LDAF1: variants seen among roughly 807,000 people sequenced by gnomAD.
LDAF1 encodes the protein lipid droplet assembly factor 1, also known as PROMETHIN.
LDAF1 carries 7 observed loss-of-function variants against 13.5 expected under a neutral mutation model. The observed-to-expected ratio is 0.52, with a 90% confidence interval of 0.29 to 0.97. The LOEUF (loss-of-function observed/expected upper bound fraction) is 0.97, where lower values mean the gene tolerates loss of function less well. LDAF1 is among the 50% of genes least tolerant of loss of function. The probability of loss-of-function intolerance (pLI) is 0.07; values close to 1 mark genes in which losing one functional copy is unlikely to be tolerated. For missense variants in LDAF1, 148 were observed against 193.2 expected (o/e 0.77, Z 1.39); for synonymous variants, 69 against 77.1 (o/e 0.89, Z 0.55).
intron 4 of LDAF1, 70 bp downstream of exon 4, chr16:21,174,218 C>G (rs2093118682): frequency 2.1e-6 from 3 of 1,416,524 alleles, no homozygotes; most frequent in African/African-American, 2.9e-5. Context: ...GAGACAAGGC[C>G]TCACTCTGTC....
intron 2 of LDAF1, among the ~76,000 whole-genome samples, chr16:21,161,905 C>G (rs1028794211): frequency 6.6e-6 from 1 of 152,116 alleles, no homozygotes; most frequent in African/African-American, 2.4e-5. Flanking sequence ...CGCCTGTGAT[C>G]CTAGCACTTT....
In LDAF1 at chr16:21,179,800, T is replaced by C. The variant is rs1302288554; in HGVS notation, c.*244T>C. On this transcript the variant is annotated 3_prime_UTR_variant, in exon 5 of 5. Transcript: ENST00000233047. ...TCAACAGCTCGCCCTGCCCCAAGTA[T>C]GCAGACTTGACCTTGGCGGGGTCCT... The C allele has an allele frequency of 2.2e-6, 1 of 446,620 alleles. No individual in the cohort carries two copies. Among genetic ancestry groups the C allele is most frequent in the Non-Finnish European group, 4.0e-6 (1 of 247,600 alleles). 27.7% of individuals were successfully genotyped at this position (446,620 alleles called of 1,614,324 possible).
chr16:21,179,440 C>T (rs1431482393), intron 4 of LDAF1, 35 bp from the exon 5 acceptor site: 3 of 1,613,896 alleles, frequency 1.9e-6, no homozygotes, highest in Non-Finnish European at 2.5e-6. Context: ...TTACTGAGGC[C>T]CTAGAGCTAA....
chr16:21,173,412 T>C (rs1056056645), intron 3 of LDAF1: 2 of 152,344 alleles, frequency 1.3e-5, no homozygotes, highest in East Asian at 1.9e-4. Context: ...CCAGCACTTA[T>C]GGGCAAGACA....
In LDAF1 at chr16:21,179,574, G is replaced by A. The variant is rs200657852; in HGVS notation, c.*18G>A. On this transcript the variant is annotated 3_prime_UTR_variant, in exon 5 of 5. Coordinates refer to ENST00000233047, the MANE Select transcript of LDAF1 (RefSeq NM_001301771.2). ...AGGAATGAGTGACTGCTCAGAGGCC[G>A]GGCTTCTTTTCAAGTACTGCTGGAT... 2.0e-3 allele frequency: 3,173 copies of A among 1,608,302 alleles called. No individual in the cohort carries two copies. The highest frequency in any genetic ancestry group is 2.5e-3 in the Non-Finnish European group (2,960 of 1,175,368).
chr16:21,166,348 A>G (rs2093023788), intron 2 of LDAF1, among the ~76,000 whole-genome samples: 1 of 152,206 alleles, frequency 6.6e-6, no homozygotes, highest in Non-Finnish European at 1.5e-5. Flanking sequence ...GATTTTATAA[A>G]ACTTACAATT....
chr16:21,173,899 T>TA (rs2093114192), intron 3 of LDAF1, 111 bp from the exon 4 acceptor site: 2 of 1,148,122 alleles, frequency 1.7e-6, no homozygotes, highest in Admixed American at 5.5e-5. Flanking sequence ...GAAATCTTCT[T>TA]ACTTTAATAA....
rs1024719903 is a variant in LDAF1, at chr16:21,165,991, C to G, written c.97-4446C>G. Among the ~76,000 whole-genome samples, 4 of 151,972 alleles carry G rather than the reference C, an allele frequency of 2.6e-5. No individual in the cohort carries two copies. In the East Asian group the frequency reaches 7.7e-4, roughly 29 times the overall value. On this transcript the variant is annotated intron_variant, in intron 2 of 4. Coordinates refer to ENST00000233047, the MANE Select transcript of LDAF1 (RefSeq NM_001301771.2). ...TCTCCCGCCTCAGCCTCCCAAGTAGCTAGGATTACAGGCACGCACCACTCT... is the reference window on the plus strand; with the variant it reads ...TCTCCCGCCTCAGCCTCCCAAGTAGGTAGGATTACAGGCACGCACCACTCT...
At chr16:21,178,217 G>A in intron 4 of LDAF1, 1 of 985,304 alleles carries the variant, frequency 1.0e-6, no homozygotes. Flanking sequence ...CTTGGTTATG[G>A]AGACTGCAAG....
At chr16:21,176,198 T>C (rs2093137208) in intron 4 of LDAF1, among the ~76,000 whole-genome samples, 1 of 152,234 alleles carries the variant, frequency 6.6e-6, no homozygotes, top group South Asian at 2.1e-4. Flanking sequence ...TCTGACTCCC[T>C]ACTTATCAAT....
chr16:21,170,574 G>T lies in LDAF1; in HGVS notation c.234G>T (p.Leu78=). ...FFLLIVVLTT[L]AALLGVIILE... Reference sequence around the variant, plus strand: ...TGCTCATCGTGGTGCTTACCACCCTGGCTGCTCTGCTGGGGGTCATAATAT... The same window carrying T: ...TGCTCATCGTGGTGCTTACCACCCTTGCTGCTCTGCTGGGGGTCATAATAT... The change falls in exon 3 of 5, where the codon CTG becomes CTT. Residue 78 remains leucine (L), a synonymous_variant. Transcript: ENST00000233047. 1 of 1,614,154 alleles carries T rather than the reference G, an allele frequency of 6.2e-7. No individual in the cohort carries two copies. The highest frequency in any genetic ancestry group is 1.1e-5 in the South Asian group (1 of 91,080).
intron 4 of LDAF1, chr16:21,178,321 T>G (rs926781587): frequency 1.0e-6 from 1 of 985,328 alleles, no homozygotes; most frequent in Non-Finnish European, 1.2e-6. Context: ...TATCATAATC[T>G]TCCAAACCAG....
At chr16:21,174,676 C>T (rs953230681) in intron 4 of LDAF1, among the ~76,000 whole-genome samples, 3 of 152,198 alleles carry the variant, frequency 2.0e-5, no homozygotes, top group Admixed American at 6.5e-5. Context: ...TTTTCCATCA[C>T]GTATACACAT....
chr16:21,163,210 G>T (rs529734635), intron 2 of LDAF1, among the ~76,000 whole-genome samples: 2 of 152,092 alleles, frequency 1.3e-5, no homozygotes, highest in Non-Finnish European at 2.9e-5. Context: ...AAGCATAAAC[G>T]TGGCACTAAA....
chr16:21,170,724 T>C (rs1237052490), intron 3 of LDAF1, 119 bp downstream of exon 3: 1 of 1,224,610 alleles, frequency 8.2e-7, no homozygotes, highest in East Asian at 2.5e-5. Flanking sequence ...CAGGCTGGTC[T>C]CAAACTCCTG....
intron 3 of LDAF1, 68 bp from the exon 4 acceptor site, chr16:21,173,942 G>T: frequency 6.6e-7 from 1 of 1,506,670 alleles, no homozygotes; most frequent in South Asian, 1.3e-5. Context: ...TAAACAGACT[G>T]ACCCAGGGTC....
intron 4 of LDAF1, chr16:21,177,475 A>G (rs913653509): frequency 2.6e-5 from 4 of 152,186 alleles, no homozygotes; most frequent in African/African-American, 7.2e-5. Context: ...GAGAATATCA[A>G]TTCATTGAGT....
rs758156999 is a variant in LDAF1, at chr16:21,175,232, GA to G, written c.404+1085del. ...CTGCTAAATTGATGATAGTGCTACT[GA>G]GCACTTGCTCTGTGCCAGGGACTCT... is the stretch of plus-strand genomic sequence containing the variant. On this transcript the variant is annotated intron_variant, in intron 4 of 4. Transcript: ENST00000233047. 7.2e-5 allele frequency among the ~76,000 whole-genome samples: 11 copies of G among 152,326 alleles called. No individual in the cohort carries two copies. The East Asian group carries it at 1.3e-3, about 19-fold the overall frequency.
intron 4 of LDAF1, among the ~76,000 whole-genome samples, chr16:21,175,911 C>A (rs1239908326): frequency 1.3e-5 from 2 of 152,064 alleles, no homozygotes; most frequent in Non-Finnish European, 2.9e-5. Flanking sequence ...TTTGTTTGTT[C>A]ATTTGTATTT....
Sources: gnomAD v4.1 joint callset for allele counts (sites outside exome capture counted in the v4.1 genomes callset) on GRCh38, gnomAD v4.1.1 for gene constraint, MANE v1.5 for transcripts, NCBI Gene and HGNC (gene_info 2026-07-23, HGNC 2026-07-21) for gene names.